PDLIM3: variants seen among roughly 807,000 people sequenced by gnomAD.
PDLIM3 encodes PDZ and LIM domain 3.
Under a neutral mutation model 37.3 loss-of-function variants are expected in PDLIM3, and 36 were observed. The ratio of observed to expected loss-of-function variants is 0.97; its 90% confidence interval spans 0.74 to 1.28. The LOEUF (loss-of-function observed/expected upper bound fraction) is 1.28, where lower values mean the gene tolerates loss of function less well. PDLIM3 is among the 50% of genes most tolerant of loss of function. The pLI is 0.00. For missense variants in PDLIM3, 454 were observed against 485.0 expected, an observed-to-expected ratio of 0.94 and a Z score of 0.60; for synonymous variants, 174 against 182.4, an observed-to-expected ratio of 0.95 and a Z score of 0.37.
At chr4:185,531,302 C>G (rs1374625107) in intron 1 of PDLIM3, among the ~76,000 whole-genome samples, 3 of 152,188 alleles carry the variant, frequency 2.0e-5, no homozygotes, top group African/African-American at 7.2e-5. Context: ...TTTAACAACT[C>G]CCTCCCCTAA....
chr4:185,532,509 T>C (rs942254541), intron 1 of PDLIM3, among the ~76,000 whole-genome samples: 1 of 151,652 alleles, frequency 6.6e-6, no homozygotes, highest in African/African-American at 2.4e-5. Flanking sequence ...AGGACAGTGG[T>C]GTGGTGTGGG....
At chr4:185,502,644 TG>T (rs1205796923) in intron 7 of PDLIM3, among the ~76,000 whole-genome samples, 161 bp from the exon 8 acceptor site, 2 of 152,212 alleles carry the variant, frequency 1.3e-5, no homozygotes, top group African/African-American at 4.8e-5. Flanking sequence ...TGTATGTAAT[TG>T]TCATGGAGAT....
intron 7 of PDLIM3, 137 bp from the exon 8 acceptor site, chr4:185,502,620 C>A: frequency 3.8e-6 from 3 of 780,758 alleles, no homozygotes. Flanking sequence ...TGAAAGCAGG[C>A]ACAGCCGTGA....
At chr4:185,513,176 G>A (rs547716768) in intron 4 of PDLIM3, 104 of 985,218 alleles carry the variant, frequency 1.1e-4, no homozygotes, top group African/African-American at 6.3e-4. Context: ...ACGTTCTAGG[G>A]GGGGGAAGAT....
intron 7 of PDLIM3, among the ~76,000 whole-genome samples, chr4:185,503,013 G>A (rs937995049): frequency 6.6e-6 from 1 of 152,116 alleles, no homozygotes; most frequent in Non-Finnish European, 1.5e-5. Context: ...AGATCACAAG[G>A]TCAGGAGATC....
intron 3 of PDLIM3, among the ~76,000 whole-genome samples, chr4:185,522,914 A>G (rs1184845560): frequency 3.9e-5 from 1 of 25,400 alleles, no homozygotes; most frequent in African/African-American, 4.5e-5. Context: ...ATGAGAATTA[A>G]AGAAGAATGT....
At chr4:185,532,592 G>T (rs575524139) in intron 1 of PDLIM3, among the ~76,000 whole-genome samples, 1 of 152,164 alleles carries the variant, frequency 6.6e-6, no homozygotes, top group Non-Finnish European at 1.5e-5. Context: ...CACTGCCTAC[G>T]TGTGGAACAA....
intron 5 of PDLIM3, 145 bp downstream of exon 5, chr4:185,508,154 G>T: frequency 1.2e-6 from 1 of 803,686 alleles, no homozygotes; most frequent in Non-Finnish European, 2.1e-6. Context: ...TCCAAGCCTA[G>T]ATATTTGCAG....
At chr4:185,529,377 T>G (rs572218050) in intron 1 of PDLIM3, among the ~76,000 whole-genome samples, 12 of 152,202 alleles carry the variant, frequency 7.9e-5, no homozygotes, top group Admixed American at 7.9e-4. Flanking sequence ...CCTATTTATG[T>G]GGAGACGTAA....
chr4:185,502,386 T>C lies in PDLIM3; in HGVS notation c.1003A>G (p.Ile335Val), dbSNP rs1392077999. Reference protein sequence around the residue: ...LNLKQKGYFFIEGELYCETHA... With the variant: ...LNLKQKGYFFVEGELYCETHA... ...GTTTCGCAGTACAGCTCCCCTTCTA[T>C]GAAGAAGTAGCCCTTTTGCTTGAGG... Residue 335 changes from isoleucine to valine, a missense_variant, in exon 8 of 8, where the codon ATA becomes GTA. Physicochemically the swap from Ile to Val is conservative, Grantham distance 29. Transcript: ENST00000284767. 1 of 1,614,194 alleles carries C rather than the reference T, an allele frequency of 6.2e-7. No individual in the cohort carries two copies. Among genetic ancestry groups the C allele is most frequent in the Admixed American group, 1.7e-5 (1 of 60,024 alleles).
At chr4:185,510,721 T>A (rs571456016) in intron 4 of PDLIM3, among the ~76,000 whole-genome samples, 5 of 152,230 alleles carry the variant, frequency 3.3e-5, no homozygotes, top group Admixed American at 2.0e-4. Context: ...CAACAGTATA[T>A]GCATATGTGT....
At chr4:185,506,333 C>A (rs899281687) in intron 6 of PDLIM3, among the ~76,000 whole-genome samples, 189 bp downstream of exon 6, 1 of 152,206 alleles carries the variant, frequency 6.6e-6, no homozygotes, top group Non-Finnish European at 1.5e-5. Context: ...GCTACTTGGA[C>A]ATGTCCTGGA....
rs754889669 is a variant in PDLIM3, at chr4:185,525,105, C to T, written c.160G>A (p.Gly54Ser). Reference sequence around the variant, plus strand: ...TGAGTCATGGACTCTGTCCCAAAGCCGTCAATAGCCAGGATGACATCTCCA... The same window carrying T: ...TGAGTCATGGACTCTGTCCCAAAGCTGTCAATAGCCAGGATGACATCTCCA... ...CPGDVILAIDGFGTESMTHAD... is the reference protein window; with the variant it reads ...CPGDVILAIDSFGTESMTHAD... The change falls in exon 2 of 8, where the codon GGC (glycine) becomes AGC (serine). Residue 54 changes from glycine to serine, a missense_variant. Gly to Ser is a moderately conservative substitution (Grantham distance 56, BLOSUM62 0). Coordinates refer to ENST00000284767, the MANE Select transcript of PDLIM3 (RefSeq NM_014476.6). The T allele has an allele frequency of 1.5e-5, 24 of 1,614,028 alleles. No homozygotes were observed. The highest frequency in any genetic ancestry group is 6.7e-5 in the East Asian group (3 of 44,906).
chr4:185,535,181 C>A (rs1020749261), intron 1 of PDLIM3, among the ~76,000 whole-genome samples, 161 bp downstream of exon 1: 1 of 152,168 alleles, frequency 6.6e-6, no homozygotes, highest in African/African-American at 2.4e-5. Flanking sequence ...GAGTTGCCGC[C>A]GCCCCCGGAG....
intron 1 of PDLIM3, among the ~76,000 whole-genome samples, chr4:185,525,604 C>T (rs1031495710): frequency 3.9e-5 from 6 of 152,128 alleles, no homozygotes; most frequent in Non-Finnish European, 7.4e-5. Context: ...TTAAAATTCA[C>T]GTAAGAGGCA....
rs1164541351 is a variant in PDLIM3, at chr4:185,504,035, T to C, written c.905+440A>G. Among the ~76,000 whole-genome samples, 3 of 97,570 alleles carry C rather than the reference T, an allele frequency of 3.1e-5. No individual in the cohort carries two copies. Among genetic ancestry groups the C allele is most frequent in the Admixed American group, 1.1e-4 (1 of 8,848 alleles). 64.0% of individuals were successfully genotyped at this position (97,570 alleles called of 152,430 possible). On this transcript the variant is annotated intron_variant, in intron 7 of 7. Coordinates refer to ENST00000284767, the MANE Select transcript of PDLIM3 (RefSeq NM_014476.6). This position sits in a 1 kb window ranked among gnomAD's most constrained non-coding sequence, Gnocchi z 4.7. ...TTGTGTAACTTACACTGGGTAAGGA[T>C]AATGTATTTTAAGTAACATCCTGTT...
intron 1 of PDLIM3, among the ~76,000 whole-genome samples, chr4:185,529,837 C>T (rs2095740826): frequency 6.6e-6 from 1 of 152,110 alleles, no homozygotes; most frequent in Non-Finnish European, 1.5e-5. Flanking sequence ...GGTTAGGGTC[C>T]CACATCCCGA....
At chr4:185,515,007 G>C in intron 3 of PDLIM3, 1 of 780,774 alleles carries the variant, frequency 1.3e-6, no homozygotes, top group Non-Finnish European at 2.0e-6. Context: ...CGAGATTGAC[G>C]GAAAGATTAG....
intron 4 of PDLIM3, among the ~76,000 whole-genome samples, chr4:185,511,203 T>G (rs1346527507): frequency 6.6e-6 from 1 of 152,184 alleles, no homozygotes; most frequent in Admixed American, 6.5e-5. Context: ...ACCTTACATA[T>G]GTATTTAATT....
Sources: allele counts gnomAD v4.1 joint callset (sites outside exome capture counted in the v4.1 genomes callset), GRCh38; gene constraint gnomAD v4.1.1; non-coding constraint Gnocchi (gnomAD v3.1); transcripts MANE v1.5; gene names NCBI Gene and HGNC (gene_info 2026-07-23, HGNC 2026-07-21).